PPP1R9A: variants seen among roughly 807,000 people sequenced by gnomAD.
PPP1R9A encodes neurabin-1.
A neutral mutation model predicts 141.9 loss-of-function variants in PPP1R9A; 59 were observed. The observed-to-expected ratio is 0.42, with a 90% CI of 0.34 to 0.52. PPP1R9A has a LOEUF of 0.52. Ranked by LOEUF, PPP1R9A falls within the 20% of genes least tolerant of loss-of-function variation. The probability of loss-of-function intolerance (pLI) is 0.10; values close to 1 mark genes in which losing one functional copy is unlikely to be tolerated. For missense variants in PPP1R9A, 1,444 were observed against 1,611.9 expected, an observed-to-expected ratio of 0.90 and a Z score of 1.78; for synonymous variants, 500 against 569.7, an observed-to-expected ratio of 0.88 and a Z score of 1.74.
At position 95,271,959 on chromosome 7, in the gene PPP1R9A, T is replaced by C. The variant is rs768760433; in HGVS notation, c.3125-1940T>C. The stretch of plus-strand genomic sequence containing the variant: ...AATCGATTTTAAATGGGAAAGTACA[T>C]TATTCCTTATTCTTAACATCTTCAG... On this transcript the variant is annotated intron_variant, in intron 14 of 19. Transcript: ENST00000433360. Among the ~76,000 whole-genome samples, 6 of 152,208 alleles carry C rather than the reference T, an allele frequency of 3.9e-5. 1 individual carries two copies. The South Asian group carries it at 1.2e-3, about 32-fold the overall frequency.
At chr7:94,926,112 C>T (rs1275747905) in intron 2 of PPP1R9A, among the ~76,000 whole-genome samples, 4 of 152,180 alleles carry the variant, frequency 2.6e-5, no homozygotes, top group Non-Finnish European at 5.9e-5. Context: ...CAGGTGTGGG[C>T]CACTGCTGGG....
At chr7:94,984,893 C>A (rs566294772) in intron 2 of PPP1R9A, among the ~76,000 whole-genome samples, 60 of 152,174 alleles carry the variant, frequency 3.9e-4, no homozygotes, top group Middle Eastern at 6.8e-3. Context: ...TTTGTTTGCT[C>A]TTGCTTCTCT....
At chr7:95,077,020 T>C (rs1814956612) in intron 2 of PPP1R9A, among the ~76,000 whole-genome samples, 1 of 152,136 alleles carries the variant, frequency 6.6e-6, no homozygotes, top group African/African-American at 2.4e-5. Flanking sequence ...ATGATTCCTT[T>C]CAAATAATGC....
Position 94,941,333 on chromosome 7 carries a change from C to G in PPP1R9A, c.1395+29825C>G, listed in dbSNP as rs116848072. Among the ~76,000 whole-genome samples the G allele has an allele frequency of 1.5e-4, 23 of 152,190 alleles. No homozygotes were observed. The East Asian group carries it at 4.1e-3, about 27-fold the overall frequency. ...TAAGTGGTAAGACAATTGCCTAAAC[C>G]TCAGTAAGATATGGAATTGTATCTT... On this transcript the variant is annotated intron_variant, in intron 2 of 19. Transcript: ENST00000433360.
At chr7:95,263,604 A>T (rs547515146) in intron 12 of PPP1R9A, among the ~76,000 whole-genome samples, 1 of 152,134 alleles carries the variant, frequency 6.6e-6, no homozygotes, top group Admixed American at 6.6e-5. Flanking sequence ...TTGTATTTTT[A>T]GTAGAGACAG....
At chr7:95,001,026 G>A (rs1302850907) in intron 2 of PPP1R9A, among the ~76,000 whole-genome samples, 1 of 152,088 alleles carries the variant, frequency 6.6e-6, no homozygotes, top group Non-Finnish European at 1.5e-5. Flanking sequence ...TTAATAATTT[G>A]TTTGTCATAT....
intron 19 of PPP1R9A, 85 bp downstream of exon 19, chr7:95,288,803 AT>A: frequency 6.9e-7 from 1 of 1,441,962 alleles, no homozygotes; most frequent in South Asian, 1.4e-5. Flanking sequence ...AGGTAAGAGC[AT>A]TCTGCATATC....
chr7:95,076,748 T>C (rs756486036), intron 2 of PPP1R9A, among the ~76,000 whole-genome samples: 32 of 152,216 alleles, frequency 2.1e-4, no homozygotes, highest in Middle Eastern at 7.1e-3. Context: ...ATACCTTAAA[T>C]AGAACTTAAT....
intron 4 of PPP1R9A, among the ~76,000 whole-genome samples, chr7:95,127,874 A>G (rs774969781): frequency 6.6e-6 from 1 of 152,146 alleles, no homozygotes; most frequent in Non-Finnish European, 1.5e-5. Flanking sequence ...GGTGTATAGT[A>G]TTCTATGGTG....
intron 2 of PPP1R9A, among the ~76,000 whole-genome samples, chr7:95,101,204 T>A (rs1818754659): frequency 6.6e-6 from 1 of 152,164 alleles, no homozygotes; most frequent in Non-Finnish European, 1.5e-5. Flanking sequence ...AGGTGAAACG[T>A]TCTTAGTTAT....
At chr7:94,944,213 C>A (rs964068949) in intron 2 of PPP1R9A, among the ~76,000 whole-genome samples, 2 of 152,050 alleles carry the variant, frequency 1.3e-5, no homozygotes, top group Non-Finnish European at 2.9e-5. Context: ...TTATTGTTTA[C>A]TATAGTTTTC....
At chr7:95,188,600 G>GTTTTT (rs150725765) in intron 5 of PPP1R9A, among the ~76,000 whole-genome samples, 1 of 133,446 alleles carries the variant, frequency 7.5e-6, no homozygotes, top group Non-Finnish European at 1.6e-5. Flanking sequence ...GTTGTGTTTT[G>GTTTTT]TTTTTTTTTT....
At chr7:95,009,659 T>C (rs1281027964) in intron 2 of PPP1R9A, among the ~76,000 whole-genome samples, 6 of 152,182 alleles carry the variant, frequency 3.9e-5, no homozygotes. Flanking sequence ...TTTGAGCAGT[T>C]AGGGCTTAAT....
At chr7:95,131,302 T>C (rs1476813860) in intron 4 of PPP1R9A, among the ~76,000 whole-genome samples, 6 of 152,202 alleles carry the variant, frequency 3.9e-5, no homozygotes, top group Admixed American at 3.3e-4. Flanking sequence ...TCTGCTGCCA[T>C]GTGAGATGTG....
intron 2 of PPP1R9A, among the ~76,000 whole-genome samples, chr7:95,015,274 ATATC>A (rs1285027268): frequency 1.3e-5 from 2 of 151,944 alleles, no homozygotes; most frequent in Non-Finnish European, 2.9e-5. Flanking sequence ...ATATACATAT[ATATC>A]TGTTTCTGTG....
chr7:95,236,040 T>C (rs2152975934), intron 8 of PPP1R9A, among the ~76,000 whole-genome samples: 1 of 152,232 alleles, frequency 6.6e-6, no homozygotes, highest in Admixed American at 6.5e-5. Flanking sequence ...GGGTACAGTG[T>C]ACACTGCTCA....
chr7:95,270,907 G>A (rs1802067440), intron 14 of PPP1R9A, among the ~76,000 whole-genome samples: 1 of 152,050 alleles, frequency 6.6e-6, no homozygotes, highest in African/African-American at 2.4e-5. Context: ...AAAAGCATTG[G>A]GCCTCTGCAA....
intron 2 of PPP1R9A, among the ~76,000 whole-genome samples, chr7:95,076,962 A>G (rs1174867467): frequency 6.6e-6 from 1 of 152,052 alleles, no homozygotes; most frequent in Non-Finnish European, 1.5e-5. Context: ...TTATGCCTTC[A>G]TTCCAATGTT....
At chr7:95,233,917 A>G (rs1180737291) in intron 8 of PPP1R9A, among the ~76,000 whole-genome samples, 1 of 152,224 alleles carries the variant, frequency 6.6e-6, no homozygotes, top group Non-Finnish European at 1.5e-5. Flanking sequence ...AACAGAATTA[A>G]AATTTAAAAA....
Sources: allele counts gnomAD v4.1 joint callset (sites outside exome capture counted in the v4.1 genomes callset), GRCh38; gene constraint gnomAD v4.1.1; transcripts MANE v1.5; gene names NCBI Gene and HGNC (gene_info 2026-07-23, HGNC 2026-07-21).